COL12A1: variants seen among roughly 807,000 people sequenced by gnomAD.
The protein encoded by COL12A1 is collagen type XII alpha 1 chain, also known as collagen alpha-1(XII) chain.
Under a neutral mutation model 349.7 loss-of-function variants are expected in COL12A1, and 114 were observed. The observed-to-expected ratio is 0.33, with a 90% CI of 0.28 to 0.38. The LOEUF is 0.38. Among genes scored for constraint, COL12A1 ranks in the 10% least tolerant of loss-of-function variants. The pLI, the probability that COL12A1 is intolerant of heterozygous loss-of-function variation, is 1.00. For synonymous variants in COL12A1, 1,369 were observed against 1,329.0 expected (o/e 1.03, Z -0.66); for missense variants, 3,284 against 3,756.9 (o/e 0.87, Z 3.29).
In COL12A1 at chr6:75,191,690, GA is replaced by G; in HGVS notation, c.394+10del. ...ATGAATCTAAGCAAAAATAGTAAGA[GA>G]AACACTCACTTTGTATCTCGGTTTT... On this transcript the variant is annotated intron_variant, in intron 5 of 65. Coordinates refer to ENST00000322507, the MANE Select transcript of COL12A1 (RefSeq NM_004370.6). The G allele has an allele frequency of 6.3e-7, 1 of 1,588,550 alleles. No individual in the cohort carries two copies. Among genetic ancestry groups the G allele is most frequent in the Non-Finnish European group, 8.6e-7 (1 of 1,167,176 alleles).
intron 22 of COL12A1, 30 bp downstream of exon 22, chr6:75,148,328 A>T: frequency 6.3e-7 from 1 of 1,597,936 alleles, no homozygotes; most frequent in Non-Finnish European, 8.5e-7. Context: ...CAACATCAGG[A>T]AGAAGTAAGT....
At position 75,138,531 on chromosome 6, in the gene COL12A1, G is replaced by A. The variant is rs1489196995; in HGVS notation, c.5147C>T (p.Pro1716Leu). The change falls in exon 29 of 66, where the codon CCC becomes CTC. Residue 1716 changes from proline to leucine, a missense_variant. Pro to Leu is a moderately conservative substitution (Grantham distance 98). Transcript: ENST00000322507. ...ENTLVFENLN[P>L]NTIYEVSITA... ...AATGGAAACTTCATAGATGGTGTTGGGGTTCAGGTTTTCGAACACCAAAGT... is the reference window on the plus strand; with the variant it reads ...AATGGAAACTTCATAGATGGTGTTGAGGTTCAGGTTTTCGAACACCAAAGT... 3 of 1,613,892 alleles carry A rather than the reference G, an allele frequency of 1.9e-6. No homozygotes were observed. In the African/African-American group the frequency reaches 4.0e-5, roughly 22 times the overall value.
chr6:75,116,604 C>T (rs1339056817), intron 47 of COL12A1, among the ~76,000 whole-genome samples: 2 of 152,142 alleles, frequency 1.3e-5, no homozygotes, highest in African/African-American at 4.8e-5. Context: ...TTCATCAGTG[C>T]AGCTCCACTC....
chr6:75,199,197 G>T (rs916824668), intron 2 of COL12A1, among the ~76,000 whole-genome samples: 1 of 152,142 alleles, frequency 6.6e-6, no homozygotes, highest in Admixed American at 6.5e-5. Flanking sequence ...ACTAACCTAG[G>T]ACTAGAAGAC....
intron 14 of COL12A1, among the ~76,000 whole-genome samples, chr6:75,160,088 T>G (rs1243364737): frequency 6.6e-6 from 1 of 151,996 alleles, no homozygotes; most frequent in Non-Finnish European, 1.5e-5. Context: ...TGGTTTCCCA[T>G]AACCAAAGAG....
At position 75,097,356 on chromosome 6, in the gene COL12A1, A is replaced by G. The variant is rs771432112; in HGVS notation, c.8524-50T>C. ...CAGTTAGGGAGGTCATAAGCAAGTGAAAAGAAAAGATGCTAAACAGGTTGC... is the reference window on the plus strand; with the variant it reads ...CAGTTAGGGAGGTCATAAGCAAGTGGAAAGAAAAGATGCTAAACAGGTTGC... On this transcript the variant is annotated intron_variant, in intron 58 of 65. Coordinates refer to ENST00000322507, the MANE Select transcript of COL12A1 (RefSeq NM_004370.6). 60 of 1,483,616 alleles carry G rather than the reference A, an allele frequency of 4.0e-5. No individual in the cohort carries two copies. The South Asian group carries it at 6.5e-4, about 16-fold the overall frequency. 91.9% of individuals were successfully genotyped at this position (1,483,616 alleles called of 1,614,324 possible).
At chr6:75,108,976 C>A (rs1768699287) in intron 52 of COL12A1, 42 bp downstream of exon 52, 1 of 1,573,620 alleles carries the variant, frequency 6.4e-7, no homozygotes, top group Non-Finnish European at 8.6e-7. Context: ...CCATTTCAAT[C>A]TTAACACAAG....
chr6:75,104,282 A>G (rs1354345831), intron 54 of COL12A1, among the ~76,000 whole-genome samples: 2 of 152,146 alleles, frequency 1.3e-5, no homozygotes, highest in Non-Finnish European at 2.9e-5. Context: ...ACTACAGGGG[A>G]AAAAATCCCA....
At chr6:75,107,816 A>T (rs890992834) in intron 52 of COL12A1, among the ~76,000 whole-genome samples, 4 of 152,358 alleles carry the variant, frequency 2.6e-5, no homozygotes, top group African/African-American at 9.6e-5. Flanking sequence ...TTATTATTTT[A>T]AAAACCTGAT....
chr6:75,178,012 T>G (rs1404915503), intron 11 of COL12A1, 77 bp from the exon 12 acceptor site: 1 of 1,345,110 alleles, frequency 7.4e-7, no homozygotes, highest in East Asian at 2.4e-5. Flanking sequence ...AATTACCTTT[T>G]TATTACTAAA....
At chr6:75,087,110 A>G (rs1767535859) in intron 65 of COL12A1, 1 of 155,800 alleles carries the variant, frequency 6.4e-6, no homozygotes, top group African/African-American at 2.4e-5. Context: ...CCCAGATTTT[A>G]TAAATATTAA....
rs1024663622 is a variant in COL12A1, at chr6:75,189,549, T to C, written c.658+3A>G. On this transcript the variant is annotated splice_donor_region_variant and intron_variant, in intron 6 of 65. Transcript: ENST00000322507. ...TAACTTTAAAAAAATCTGTAGAACA[T>C]ACCTGTCATTGTGTTGCCACCTTTA... 5 of 1,610,928 alleles carry C rather than the reference T, an allele frequency of 3.1e-6. No individual in the cohort carries two copies. The highest frequency in any genetic ancestry group is 3.4e-5 in the Admixed American group (2 of 59,618).
chr6:75,159,190 A>G (rs566197982), intron 14 of COL12A1, among the ~76,000 whole-genome samples: 128 of 151,736 alleles, frequency 8.4e-4, no homozygotes, highest in African/African-American at 2.9e-3. Context: ...AGCAAATTCA[A>G]TATATGGTTA....
intron 24 of COL12A1, 117 bp from the exon 25 acceptor site, chr6:75,145,572 A>G: frequency 1.1e-6 from 1 of 910,210 alleles, no homozygotes; most frequent in East Asian, 3.1e-5. Flanking sequence ...TGTATTTTTC[A>G]TTTATAAGAT....
intron 65 of COL12A1, 186 bp downstream of exon 65, chr6:75,087,391 C>A: frequency 1.8e-6 from 1 of 547,712 alleles, no homozygotes. Context: ...GAAAATAATT[C>A]AATCCTAACA....
In COL12A1 at chr6:75,177,760, C is replaced by A. The variant is rs931765391; in HGVS notation, c.2340G>T (p.Glu780Asp). 3 of 1,613,984 alleles carry A rather than the reference C, an allele frequency of 1.9e-6. No homozygotes were observed. The African/African-American group carries it at 4.0e-5, about 22-fold the overall frequency. Reference protein sequence around the residue: ...TPPNQRRRTLENLIPDTKYEV... With the variant: ...TPPNQRRRTLDNLIPDTKYEV... Reference sequence around the variant, plus strand: ...CATATTTCGTGTCTGGAATCAAGTTCTCCAGTGTTCTCCTCCTCTGATTGG... The same window carrying A: ...CATATTTCGTGTCTGGAATCAAGTTATCCAGTGTTCTCCTCCTCTGATTGG... Residue 780 changes from glutamate to aspartate, a missense_variant, in exon 12 of 66, where the codon GAG (glutamate) becomes GAT (aspartate). This residue lies in a region of COL12A1 where 2,601 missense variants were observed against 2,824.8 expected (regional missense o/e 0.92). Transcript: ENST00000322507.
rs1768493109 is a variant in COL12A1 at position 75,105,260 on chromosome 6, A to G, written c.8211T>C (p.Asn2737=). ...CGCTGTCCTGTGTACATGTGCAAGA[A>G]TTTGGAAAAGCAGGGCATTTTCCCT... ...RDEGKCPAFP[N]SCTCTQDSVG... Residue 2737 remains asparagine, a synonymous_variant, in exon 54 of 66, where the codon AAT becomes AAC. Coordinates refer to ENST00000322507, the MANE Select transcript of COL12A1 (RefSeq NM_004370.6). 1.2e-6 allele frequency: 2 copies of G among 1,613,744 alleles called. No individual in the cohort carries two copies. Among genetic ancestry groups the G allele is most frequent in the Non-Finnish European group, 1.7e-6 (2 of 1,179,870 alleles).
At position 75,138,438 on chromosome 6, in the gene COL12A1, A is replaced by G; in HGVS notation, c.5230+10T>C. 6.2e-7 allele frequency: 1 copy of G among 1,611,108 alleles called. No individual in the cohort carries two copies. The highest frequency in any genetic ancestry group is 8.5e-7 in the Non-Finnish European group (1 of 1,179,118). On this transcript the variant is annotated intron_variant, in intron 29 of 65. Coordinates refer to ENST00000322507, the MANE Select transcript of COL12A1 (RefSeq NM_004370.6). ...AATATCAATGTCCTATTTGAAAGCT[A>G]AACACCTACGTGTGCGCTCACTGCC...
chr6:75,126,589 T>A, intron 38 of COL12A1, 119 bp from the exon 39 acceptor site: 1 of 1,146,914 alleles, frequency 8.7e-7, no homozygotes, highest in Non-Finnish European at 1.2e-6. Flanking sequence ...TCCCATAATG[T>A]CTTTATCCAG....
Sources: gnomAD v4.1 joint callset for allele counts (sites outside exome capture counted in the v4.1 genomes callset) on GRCh38, gnomAD v4.1.1 for gene constraint, gnomAD v4.1.1 regional missense constraint, MANE v1.5 for transcripts, NCBI Gene and HGNC (gene_info 2026-07-23, HGNC 2026-07-21) for gene names.